Variants in BRPF3 observed in about 807,000 individuals in gnomAD.
BRPF3 encodes the protein bromodomain and PHD finger-containing protein 3.
Under a neutral mutation model 102.0 loss-of-function variants are expected in BRPF3, and 18 were observed. That is an observed-to-expected ratio of 0.18 (90% CI 0.12 to 0.26). The LOEUF is 0.26. Ranked by LOEUF, BRPF3 falls within the 10% of genes least tolerant of loss-of-function variation. The pLI is 1.00. For missense variants in BRPF3, 1,147 were observed against 1,567.8 expected, an observed-to-expected ratio of 0.73 and a Z score of 4.53; for synonymous variants, 570 against 614.2, an observed-to-expected ratio of 0.93 and a Z score of 1.06.
rs1260771184 is a variant in BRPF3, at chr6:36,201,515, G to A, written c.1193G>A (p.Gly398Asp). 1.2e-6 allele frequency: 2 copies of A among 1,614,208 alleles called. No individual in the cohort carries two copies. The highest frequency in any genetic ancestry group is 1.7e-6 in the Non-Finnish European group (2 of 1,180,030). Residue 398 changes from glycine (G) to aspartate (D), a missense_variant, in exon 2 of 13, where the codon GGC (glycine) becomes GAC (aspartate). Physicochemically the swap from Gly to Asp is moderately conservative, Grantham distance 94. Coordinates refer to ENST00000357641, the MANE Select transcript of BRPF3 (RefSeq NM_015695.3). This position sits in a 1 kb window ranked among gnomAD's most constrained non-coding sequence, Gnocchi z 5.1. ...GGTGCGGCCACTGCTAGGAGGAAGG[G>A]CGACTCCCCTAGAAGCATCAGTGAG... ...PPGAATARRK[G>D]DSPRSISETG...
chr6:36,210,263 T>G lies in BRPF3; in HGVS notation c.1914T>G (p.Thr638=). Residue 638 remains threonine (T), a synonymous_variant, in exon 6 of 13, where the codon ACT becomes ACG. Transcript: ENST00000357641. This position sits in a 1 kb window ranked among gnomAD's most constrained non-coding sequence, Gnocchi z 4.7. ...TATCCAAGCCAATGGATTTTTCTAC[T>G]ATGAGGCGGAAGCTGGAGTCCCACC... ...EFISKPMDFS[T]MRRKLESHLY... is the part of the protein sequence containing the mutation. 1 of 1,614,238 alleles carries G rather than the reference T, an allele frequency of 6.2e-7. No individual in the cohort carries two copies. The highest frequency in any genetic ancestry group is 8.5e-7 in the Non-Finnish European group (1 of 1,180,048).
At chr6:36,225,475 A>T in intron 11 of BRPF3, 111 bp downstream of exon 11, 1 of 960,278 alleles carries the variant, frequency 1.0e-6, no homozygotes, top group Non-Finnish European at 1.5e-6. Context: ...CTTTAGCTGT[A>T]GAGGGGAGGG....
chr6:36,204,512 C>A, intron 2 of BRPF3, 146 bp from the exon 3 acceptor site: 1 of 848,102 alleles, frequency 1.2e-6, no homozygotes, highest in Non-Finnish European at 1.9e-6. Flanking sequence ...CCTTTTCAAG[C>A]CTTTCTCTGA....
rs1385896742 is a variant in BRPF3 at position 36,197,826 on chromosome 6, C to T, written c.-27+856C>T. Among the ~76,000 whole-genome samples, 3 of 152,108 alleles carry T rather than the reference C, an allele frequency of 2.0e-5. No homozygotes were observed. In the South Asian group the frequency reaches 6.2e-4, roughly 32 times the overall value. On this transcript the variant is annotated intron_variant, in intron 1 of 12. Transcript: ENST00000357641. ...TCCCTTCCCCCTCTAGAGTTTCTCC[C>T]CGGTGTCTGGAGGCGTGGGTGGGAC...
chr6:36,215,434 G>T (rs1768294427), intron 8 of BRPF3, among the ~76,000 whole-genome samples: 2 of 152,216 alleles, frequency 1.3e-5, no homozygotes, highest in South Asian at 4.1e-4. Context: ...TATACATCCA[G>T]CAGGAGCTAG....
At chr6:36,222,114 G>T (rs1313399908) in intron 9 of BRPF3, 54 bp from the exon 10 acceptor site, 1 of 1,520,698 alleles carries the variant, frequency 6.6e-7, no homozygotes, top group Non-Finnish European at 8.9e-7. Context: ...GGGAGTCGGC[G>T]TTTTAGTCAT....
intron 1 of BRPF3, among the ~76,000 whole-genome samples, chr6:36,197,797 G>T (rs1357008693): frequency 6.6e-6 from 1 of 152,172 alleles, no homozygotes; most frequent in Non-Finnish European, 1.5e-5. Flanking sequence ...TCCCTCATCA[G>T]CAGTCCCTTC....
chr6:36,198,395 T>G (rs1767581453), intron 1 of BRPF3, among the ~76,000 whole-genome samples: 1 of 152,194 alleles, frequency 6.6e-6, no homozygotes, highest in African/African-American at 2.4e-5. Context: ...GGGCCAAGAT[T>G]AGAACCTAGA....
intron 7 of BRPF3, among the ~76,000 whole-genome samples, chr6:36,212,999 CAT>C (rs796524880): frequency 3.9e-5 from 6 of 152,246 alleles, no homozygotes; most frequent in African/African-American, 9.6e-5. Context: ...GGTGAGCACA[CAT>C]GTTTGGCAAC....
At chr6:36,209,721 A>G in intron 4 of BRPF3, 66 bp from the exon 5 acceptor site, 1 of 1,554,502 alleles carries the variant, frequency 6.4e-7, no homozygotes, top group South Asian at 1.2e-5. Flanking sequence ...CAAACTATCA[A>G]GAAAAAGTTT....
At chr6:36,222,110 C>G (rs2301422) in intron 9 of BRPF3, 58 bp from the exon 10 acceptor site, 1,319,876 of 1,501,592 alleles carry the variant, frequency 0.88, 581,142 homozygotes, top group African/African-American at 0.97. Context: ...GAAGGGGAGT[C>G]GGCGTTTTAG....
At chr6:36,216,502 G>A (rs1048138653) in intron 8 of BRPF3, among the ~76,000 whole-genome samples, 28 of 152,144 alleles carry the variant, frequency 1.8e-4, no homozygotes, top group African/African-American at 5.1e-4. Flanking sequence ...TTGATCCTTC[G>A]TAAGTGAGGC....
At chr6:36,223,096 G>T (rs1313402955) in intron 10 of BRPF3, among the ~76,000 whole-genome samples, 1 of 152,120 alleles carries the variant, frequency 6.6e-6, no homozygotes, top group Non-Finnish European at 1.5e-5. Context: ...TGCTTAGGTG[G>T]GACAGGTGCA....
In BRPF3 at chr6:36,211,556, C is replaced by G; in HGVS notation, c.2478C>G (p.Asp826Glu). The G allele has an allele frequency of 6.4e-7, 1 of 1,552,412 alleles. No homozygotes were observed. Among genetic ancestry groups the G allele is most frequent in the Non-Finnish European group, 8.7e-7 (1 of 1,147,164 alleles). ...AGGAGGAGCCAGAAGACGATGGGGA[C>G]AGAGGTGAGAGATAGTCACAGGCAG... ...ALQEEPEDDG[D>E]RDDSKLPPPP... The change falls in exon 7 of 13, where the codon GAC becomes GAG. Residue 826 changes from aspartate (D) to glutamate (E), a missense_variant. Around this residue, in one of 11 missense-constraint regions of BRPF3, gnomAD observed 379 missense variants for 426.3 expected, o/e 0.89. Coordinates refer to ENST00000357641, the MANE Select transcript of BRPF3 (RefSeq NM_015695.3).
rs950685173 is a variant in BRPF3, at chr6:36,201,837, C to G, written c.1448+67C>G. The G allele has an allele frequency of 6.6e-7, 1 of 1,521,658 alleles. No homozygotes were observed. Among genetic ancestry groups the G allele is most frequent in the African/African-American group, 1.4e-5 (1 of 71,748 alleles). The allele number at this position is 1,521,658 out of a possible 1,614,324, so 94.3% of individuals were successfully genotyped here. On this transcript the variant is annotated intron_variant, in intron 2 of 12. Transcript: ENST00000357641. The surrounding 1 kb of genome is among the most constrained non-coding windows in gnomAD (Gnocchi z 5.1). ...TTCTTGGGTTGGTGTTGGCCCTGTG[C>G]CAGGCCTTCGCTAAACACAGTTGGA...
rs1376257746 is a variant in BRPF3 at position 36,232,615 on chromosome 6, T to C, written c.*2006T>C. ...GTGAAGCACATGATGCTCTATTTAT[T>C]GTAGAGAGTGACTTTATTTGCTTTC... On this transcript the variant is annotated 3_prime_UTR_variant, in exon 13 of 13. Transcript: ENST00000357641. 6.5e-6 allele frequency: 1 copy of C among 152,688 alleles called. No individual in the cohort carries two copies. Among genetic ancestry groups the C allele is most frequent in the Non-Finnish European group, 1.5e-5 (1 of 68,044 alleles). 9.5% of individuals were successfully genotyped at this position (152,688 alleles called of 1,614,324 possible).
At chr6:36,227,833 G>A (rs977474464) in intron 11 of BRPF3, among the ~76,000 whole-genome samples, 1 of 152,176 alleles carries the variant, frequency 6.6e-6, no homozygotes, top group Non-Finnish European at 1.5e-5. Flanking sequence ...CAGAACAGCT[G>A]CTTTCAGCTG....
In BRPF3 at chr6:36,201,681, G is replaced by T; in HGVS notation, c.1359G>T (p.Lys453Asn). The T allele has an allele frequency of 6.2e-7, 1 of 1,614,202 alleles. No individual in the cohort carries two copies. Among genetic ancestry groups the T allele is most frequent in the Non-Finnish European group, 8.5e-7 (1 of 1,180,022 alleles). The change falls in exon 2 of 13, where the codon AAG (lysine) becomes AAT (asparagine). Residue 453 changes from lysine to asparagine, a missense_variant. Lys to Asn is a moderately conservative substitution (Grantham distance 94, BLOSUM62 0). This residue lies in a region of BRPF3 where 157 missense variants were observed against 163.6 expected (regional missense o/e 0.96). Transcript: ENST00000357641. This position sits in a 1 kb window ranked among gnomAD's most constrained non-coding sequence, Gnocchi z 5.1. ...GVPKKSKMSL[K>N]QKIKKEPEEA... ...CCAAGAAAAGCAAGATGAGTTTGAA[G>T]CAGAAGATCAAGAAGGAGCCAGAGG... is the stretch of plus-strand genomic sequence containing the variant.
chr6:36,200,950 G>A lies in BRPF3; in HGVS notation c.628G>A (p.Asp210Asn), dbSNP rs1002371608. ...RSSGAQQSLI[D>N]EDAFCCVCLD... is the part of the protein sequence containing the mutation. ...CAGTGGGGCCCAACAGTCACTCATC[G>A]ATGAAGACGCTTTCTGCTGTGTGTG... is the stretch of plus-strand genomic sequence containing the variant. Residue 210 changes from aspartate to asparagine, a missense_variant, in exon 2 of 13, where the codon GAT becomes AAT. Transcript: ENST00000357641. This position sits in a 1 kb window ranked among gnomAD's most constrained non-coding sequence, Gnocchi z 5.3. 4 of 1,614,148 alleles carry A rather than the reference G, an allele frequency of 2.5e-6. No individual in the cohort carries two copies. Among genetic ancestry groups the A allele is most frequent in the South Asian group, 1.1e-5 (1 of 91,082 alleles).
Sources: gnomAD v4.1 joint callset for allele counts (sites outside exome capture counted in the v4.1 genomes callset) on GRCh38, gnomAD v4.1.1 for gene constraint, gnomAD v4.1.1 regional missense constraint, Gnocchi (gnomAD v3.1) non-coding constraint, MANE v1.5 for transcripts, NCBI Gene and HGNC (gene_info 2026-07-23, HGNC 2026-07-21) for gene names.